Variants in KCNQ4 observed in about 807,000 individuals in gnomAD.
KCNQ4 encodes the protein potassium voltage-gated channel subfamily KQT member 4.
KCNQ4 carries 31 observed loss-of-function variants against 72.6 expected under a neutral mutation model. The observed-to-expected ratio is 0.43, with a 90% CI of 0.32 to 0.58. KCNQ4 has a LOEUF of 0.58. Ranked by LOEUF, KCNQ4 falls within the 20% of genes least tolerant of loss-of-function variation. The pLI, the probability that KCNQ4 is intolerant of heterozygous loss-of-function variation, is 0.08. For missense variants in KCNQ4, 869 were observed against 962.6 expected (o/e 0.90, Z 1.29); for synonymous variants, 405 against 403.7 (o/e 1.00, Z -0.04).
At position 40,838,368 on chromosome 1, in the gene KCNQ4, C is replaced by G; in HGVS notation, c.1933C>G (p.Arg645Gly). The G allele has an allele frequency of 6.2e-7, 1 of 1,614,002 alleles. No individual in the cohort carries two copies. Residue 645 changes from arginine (R) to glycine (G), a missense_variant, in exon 14 of 14, where the codon CGC (arginine) becomes GGC (glycine). By Grantham distance (125) the Arg-to-Gly change is moderately radical (BLOSUM62 -2). Coordinates refer to ENST00000347132, the MANE Select transcript of KCNQ4 (RefSeq NM_004700.4). Reference protein sequence around the residue: ...LLLGFYSRCLRSGTSASLGAV... With the variant: ...LLLGFYSRCLGSGTSASLGAV... The stretch of plus-strand genomic sequence containing the variant: ...GTTGGGCTTCTATTCGCGCTGCCTG[C>G]GCTCTGGCACCTCGGCCAGCCTGGG...
chr1:40,837,091 C>CTTTTCTTT (rs1553168712), intron 12 of KCNQ4, among the ~76,000 whole-genome samples: 2 of 93,082 alleles, frequency 2.1e-5, no homozygotes, highest in Non-Finnish European at 4.0e-5. Flanking sequence ...CTTTTCTTTT[C>CTTTTCTTT]TTTTTTTTTT....
Position 40,838,833 on chromosome 1 carries a change from G to A in KCNQ4, c.*310G>A, listed in dbSNP as rs905446321. 15 of 482,932 alleles carry A rather than the reference G, an allele frequency of 3.1e-5. No homozygotes were observed. The highest frequency in any genetic ancestry group is 4.9e-5 in the Non-Finnish European group (13 of 262,900). The allele number at this position is 482,932 out of a possible 1,614,324, so 29.9% of individuals were successfully genotyped here. On this transcript the variant is annotated 3_prime_UTR_variant, in exon 14 of 14. Transcript: ENST00000347132. ...ATGTGGCCCACCTGGCAGGGGCACA[G>A]CCCCGGGAGTGGGAGCGGGCGCTGG...
chr1:40,809,713 G>T (rs1474804556), intron 1 of KCNQ4, among the ~76,000 whole-genome samples: 2 of 152,126 alleles, frequency 1.3e-5, no homozygotes, highest in Admixed American at 6.6e-5. Flanking sequence ...GATCTATTCT[G>T]TGTACTTCCC....
At position 40,784,530 on chromosome 1, in the gene KCNQ4, C is replaced by G; in HGVS notation, c.314+123C>G. 1.1e-6 allele frequency: 1 copy of G among 904,788 alleles called. No homozygotes were observed. The highest frequency in any genetic ancestry group is 1.4e-5 in the South Asian group (1 of 73,112). 56.0% of individuals were successfully genotyped at this position (904,788 alleles called of 1,614,324 possible). A position where few individuals can be genotyped will look rare whatever the true frequency, so the allele number is the denominator to read the frequency against. The stretch of plus-strand genomic sequence containing the variant: ...CCTCAGGGCCGACCCTCATCTCTCT[C>G]CCCCCAGGCCTAAGCCCGGTTTCTG... On this transcript the variant is annotated intron_variant, in intron 1 of 13. Transcript: ENST00000347132. The surrounding 1 kb of genome is among the most constrained non-coding windows in gnomAD (Gnocchi z 4.1).
At position 40,802,468 on chromosome 1, in the gene KCNQ4, G is replaced by A. The variant is rs1227296751; in HGVS notation, c.315-14797G>A. On this transcript the variant is annotated intron_variant, in intron 1 of 13. Coordinates refer to ENST00000347132, the MANE Select transcript of KCNQ4 (RefSeq NM_004700.4). ...CGCCCCGGCCCCTCCCGCTCTCGGG[G>A]CCTGGCATTGGCAAAGCCCCGCCCC... 4.6e-5 allele frequency among the ~76,000 whole-genome samples: 7 copies of A among 152,238 alleles called. No homozygotes were observed. In the East Asian group the frequency reaches 9.7e-4, roughly 21 times the overall value.
intron 9 of KCNQ4, 75 bp downstream of exon 9, chr1:40,824,333 C>G (rs368080681): frequency 1.0e-5 from 15 of 1,497,788 alleles, no homozygotes; most frequent in East Asian, 7.3e-5. Context: ...CATCCTCTCT[C>G]AGACCTGCCT....
At chr1:40,799,569 T>G (rs12566142) in intron 1 of KCNQ4, among the ~76,000 whole-genome samples, 67,805 of 152,104 alleles carry the variant, frequency 0.45, 15,964 homozygotes, top group African/African-American at 0.6. Context: ...TGAGCTGGGC[T>G]ACCTGAGTTG....
intron 7 of KCNQ4, among the ~76,000 whole-genome samples, chr1:40,821,382 G>T (rs16827695): frequency 6.6e-6 from 1 of 152,158 alleles, no homozygotes; most frequent in African/African-American, 2.4e-5. Context: ...GAAGGGAGGC[G>T]TCCAGGGCCC....
chr1:40,813,456 G>C (rs955503132), intron 1 of KCNQ4, among the ~76,000 whole-genome samples: 43 of 152,276 alleles, frequency 2.8e-4, no homozygotes, highest in African/African-American at 1.0e-3. Flanking sequence ...TGTGCAGGGG[G>C]AGGGAAAGGA....
chr1:40,837,605 T>G, intron 12 of KCNQ4, 60 bp from the exon 13 acceptor site: 2 of 1,582,954 alleles, frequency 1.3e-6, no homozygotes, highest in South Asian at 1.2e-5. Flanking sequence ...CAACCTATAA[T>G]TCTTGTGGAA....
rs191955014 is a variant in KCNQ4, at chr1:40,785,750, C to T, written c.314+1343C>T. Reference sequence around the variant, plus strand: ...TGGGTCTGTCCTTCGGCCTGTTTCTCGGGTGCTTGCTGGCCTGCCTCTGCC... The same window carrying T: ...TGGGTCTGTCCTTCGGCCTGTTTCTTGGGTGCTTGCTGGCCTGCCTCTGCC... On this transcript the variant is annotated intron_variant, in intron 1 of 13. Transcript: ENST00000347132. Among the ~76,000 whole-genome samples, 121 of 152,114 alleles carry T rather than the reference C, an allele frequency of 8.0e-4. No individual in the cohort carries two copies. The East Asian group carries it at 0.015, about 19-fold the overall frequency.
chr1:40,799,197 C>T (rs1384017321), intron 1 of KCNQ4, among the ~76,000 whole-genome samples: 1 of 152,218 alleles, frequency 6.6e-6, no homozygotes, highest in Non-Finnish European at 1.5e-5. Flanking sequence ...ACTCTGTGAG[C>T]AGAATCAGGA....
chr1:40,790,770 G>A (rs1169921705), intron 1 of KCNQ4, among the ~76,000 whole-genome samples: 1 of 152,224 alleles, frequency 6.6e-6, no homozygotes, highest in African/African-American at 2.4e-5. Context: ...GACCATGCCT[G>A]TACCCTGCCT....
In KCNQ4 at chr1:40,820,006, T is replaced by A. The variant is rs374344695; in HGVS notation, c.945+21T>A. ...CTGCCGTGAGTTGCCTCCTGCTCAG[T>A]TGGTGGGGGAGGCTGAGGGTGGGAC... On this transcript the variant is annotated intron_variant, in intron 6 of 13. Transcript: ENST00000347132. 8 of 1,597,996 alleles carry A rather than the reference T, an allele frequency of 5.0e-6. No individual in the cohort carries two copies. The African/African-American group carries it at 6.7e-5, about 13-fold the overall frequency.
At chr1:40,795,855 CTT>C (rs1397976840) in intron 1 of KCNQ4, among the ~76,000 whole-genome samples, 1 of 152,220 alleles carries the variant, frequency 6.6e-6, no homozygotes, top group East Asian at 1.9e-4. Context: ...TAAGCACAGA[CTT>C]TGTCACTGAG....
At chr1:40,819,313 C>A (rs200422313) in intron 4 of KCNQ4, 34 bp from the exon 5 acceptor site, 6 of 1,612,674 alleles carry the variant, frequency 3.7e-6, no homozygotes, top group Middle Eastern at 1.7e-4. Flanking sequence ...GCAGGCACAG[C>A]GCTCCTCACC....
In KCNQ4 at chr1:40,828,805, A is replaced by T. The variant is rs187782161; in HGVS notation, c.1293-2279A>T. Among the ~76,000 whole-genome samples the T allele has an allele frequency of 3.8e-3, 574 of 152,320 alleles. 2 individuals carry two copies. Among genetic ancestry groups the T allele is most frequent in the Admixed American group, 7.3e-3 (111 of 15,304 alleles). Reference sequence around the variant, plus strand: ...TTAGCTTTCAGACTTAGAGGAGCTGATATGAGCCATTTTCTGGGCCCTGCC... The same window carrying T: ...TTAGCTTTCAGACTTAGAGGAGCTGTTATGAGCCATTTTCTGGGCCCTGCC... On this transcript the variant is annotated intron_variant, in intron 9 of 13. Transcript: ENST00000347132.
At chr1:40,801,947 G>A (rs550725194) in intron 1 of KCNQ4, among the ~76,000 whole-genome samples, 1 of 152,210 alleles carries the variant, frequency 6.6e-6, no homozygotes, top group South Asian at 2.1e-4. Flanking sequence ...GAGGAGGCGA[G>A]GGGACCAGAA....
At chr1:40,799,466 C>T (rs1242018005) in intron 1 of KCNQ4, among the ~76,000 whole-genome samples, 2 of 151,922 alleles carry the variant, frequency 1.3e-5, no homozygotes, top group Non-Finnish European at 1.5e-5. Flanking sequence ...ACACTGCCGT[C>T]GCCTGGGAGA....
Sources: allele counts gnomAD v4.1 joint callset (sites outside exome capture counted in the v4.1 genomes callset), GRCh38; gene constraint gnomAD v4.1.1; non-coding constraint Gnocchi (gnomAD v3.1); transcripts MANE v1.5; gene names NCBI Gene and HGNC (gene_info 2026-07-23, HGNC 2026-07-21).